PTPRD: variants seen among roughly 807,000 people sequenced by gnomAD.
PTPRD encodes receptor-type tyrosine-protein phosphatase delta.
Under a neutral mutation model 214.5 loss-of-function variants are expected in PTPRD, and 34 were observed. The ratio of observed to expected loss-of-function variants is 0.16; its 90% CI spans 0.12 to 0.21. The LOEUF (loss-of-function observed/expected upper bound fraction) is 0.21. Ranked by LOEUF, PTPRD falls within the 10% of genes least tolerant of loss-of-function variation. The probability of loss-of-function intolerance (pLI) is 1.00; values close to 1 mark genes in which losing one functional copy is unlikely to be tolerated. For missense variants in PTPRD, 2,545 were observed against 2,398.7 expected (o/e 1.06, Z -1.27); for synonymous variants, 1,128 against 845.7 (o/e 1.33, Z -5.79).
At chr9:9,194,152 C>A (rs2099936867) in intron 9 of PTPRD, among the ~76,000 whole-genome samples, 1 of 152,074 alleles carries the variant, frequency 6.6e-6, no homozygotes, top group Non-Finnish European at 1.5e-5. Flanking sequence ...CTGTCTTCCA[C>A]CTCCACATCT....
At position 8,315,702 on chromosome 9, in the gene PTPRD, GT is replaced by G. The variant is rs1361841483; in HGVS notation, c.*2171del. The G allele has an allele frequency of 2.2e-5, 5 of 227,996 alleles. No individual in the cohort carries two copies. Among genetic ancestry groups the G allele is most frequent in the Non-Finnish European group, 4.4e-5 (5 of 114,764 alleles). The allele number at this position is 227,996 out of a possible 1,614,324, so 14.1% of individuals were successfully genotyped here. A position where few individuals can be genotyped will look rare whatever the true frequency, so the allele number is the denominator to read the frequency against. On this transcript the variant is annotated 3_prime_UTR_variant, in exon 46 of 46. Transcript: ENST00000381196. Reference sequence around the variant, plus strand: ...GTGCTCAAATACAATGCTTGCAAATGTTTGGTCTCTTGGATTTCACTCTGCT... The same window carrying G: ...GTGCTCAAATACAATGCTTGCAAATGTTGGTCTCTTGGATTTCACTCTGCT...
intron 10 of PTPRD, among the ~76,000 whole-genome samples, chr9:9,049,879 G>T (rs920981280): frequency 1.3e-5 from 2 of 152,116 alleles, no homozygotes; most frequent in African/African-American, 4.8e-5. Flanking sequence ...AAATGAAAAA[G>T]ACCCCAACTT....
At chr9:9,218,814 G>A (rs570141391) in intron 9 of PTPRD, among the ~76,000 whole-genome samples, 2 of 152,186 alleles carry the variant, frequency 1.3e-5, no homozygotes, top group Middle Eastern at 3.4e-3. Flanking sequence ...CACAGCTGAC[G>A]AGGTAAAAAA....
chr9:9,043,010 C>G (rs753428349), intron 10 of PTPRD, among the ~76,000 whole-genome samples: 1 of 152,148 alleles, frequency 6.6e-6, no homozygotes, highest in Non-Finnish European at 1.5e-5. Flanking sequence ...TTATCTGTTA[C>G]CAAACTTCAT....
intron 2 of PTPRD, among the ~76,000 whole-genome samples, chr9:10,423,881 T>C (rs1036787923): frequency 4.6e-5 from 7 of 152,136 alleles, no homozygotes; most frequent in South Asian, 2.1e-4. Flanking sequence ...TTGGAACCTA[T>C]AGTTTTTTGC....
chr9:8,788,639 G>C (rs1165044727), intron 11 of PTPRD, among the ~76,000 whole-genome samples: 1 of 150,842 alleles, frequency 6.6e-6, no homozygotes, highest in Non-Finnish European at 1.5e-5. Context: ...AAAAGTTATG[G>C]AGGAAAATCA....
chr9:9,407,686 C>T (rs1204766623), intron 8 of PTPRD, among the ~76,000 whole-genome samples: 1 of 151,790 alleles, frequency 6.6e-6, no homozygotes, highest in African/African-American at 2.4e-5. Flanking sequence ...GACTCAGTTT[C>T]TTTACTTGTT....
intron 11 of PTPRD, among the ~76,000 whole-genome samples, chr9:8,795,011 C>T (rs1022001576): frequency 6.6e-6 from 1 of 152,082 alleles, no homozygotes; most frequent in South Asian, 2.1e-4. Flanking sequence ...TTGGCATGCA[C>T]TTACATTTCT....
At chr9:9,873,074 G>T (rs996558783) in intron 5 of PTPRD, among the ~76,000 whole-genome samples, 2 of 152,126 alleles carry the variant, frequency 1.3e-5, no homozygotes, top group African/African-American at 2.4e-5. Flanking sequence ...GATATGAAAT[G>T]TGGAGTGTTT....
chr9:9,973,236 G>A (rs940266134), intron 4 of PTPRD, among the ~76,000 whole-genome samples: 1 of 150,902 alleles, frequency 6.6e-6, no homozygotes, highest in Non-Finnish European at 1.5e-5. Context: ...GCCAAAGCGG[G>A]AGGATTGCTT....
rs374725639 is a variant in PTPRD at position 10,316,353 on chromosome 9, C to T, written c.-545+24610G>A. Among the ~76,000 whole-genome samples, 152 of 151,698 alleles carry T rather than the reference C, an allele frequency of 1.0e-3. 3 individuals carry two copies. The South Asian group carries it at 0.031, about 31-fold the overall frequency. ...GAAAATGCAACCTTAGTTATAGTAA[C>T]AGAAGACACCGCAATTACTTTCCCA... On this transcript the variant is annotated intron_variant, in intron 3 of 45. Transcript: ENST00000381196.
intron 8 of PTPRD, among the ~76,000 whole-genome samples, chr9:9,477,366 C>A (rs10977811): frequency 6.6e-6 from 1 of 151,932 alleles, no homozygotes; most frequent in Non-Finnish European, 1.5e-5. Flanking sequence ...AGTGGGATTC[C>A]TTTTCTTACA....
chr9:8,891,517 A>G (rs2098540081), intron 11 of PTPRD, among the ~76,000 whole-genome samples: 1 of 152,026 alleles, frequency 6.6e-6, no homozygotes, highest in African/African-American at 2.4e-5. Flanking sequence ...CTAATACATT[A>G]AAGAGCCATT....
At chr9:8,948,804 G>A (rs939514606) in intron 11 of PTPRD, among the ~76,000 whole-genome samples, 2 of 151,030 alleles carry the variant, frequency 1.3e-5, no homozygotes. Context: ...GATGGATGAA[G>A]CCATAATTCT....
intron 5 of PTPRD, among the ~76,000 whole-genome samples, chr9:9,849,128 G>A (rs560837276): frequency 6.6e-6 from 1 of 151,884 alleles, no homozygotes; most frequent in East Asian, 1.9e-4. Flanking sequence ...AAATAAAGTT[G>A]TTGATTTACT....
At chr9:9,104,866 G>C (rs934896706) in intron 10 of PTPRD, among the ~76,000 whole-genome samples, 1 of 152,174 alleles carries the variant, frequency 6.6e-6, no homozygotes. Context: ...ATTGATAATA[G>C]CCACGAGTGA....
chr9:9,670,205 G>C (rs1036514884), intron 7 of PTPRD, among the ~76,000 whole-genome samples: 9 of 152,058 alleles, frequency 5.9e-5, no homozygotes, highest in Non-Finnish European at 1.3e-4. Context: ...ACAAGACCAG[G>C]GAAGCTGAGG....
chr9:8,345,331 T>G (rs530099011), intron 39 of PTPRD, among the ~76,000 whole-genome samples: 5 of 152,186 alleles, frequency 3.3e-5, no homozygotes, highest in African/African-American at 7.2e-5. Context: ...AAGACTCAAA[T>G]GCAGGTTCTG....
chr9:9,489,536 G>C (rs1371470379), intron 8 of PTPRD, among the ~76,000 whole-genome samples: 1 of 152,070 alleles, frequency 6.6e-6, no homozygotes, highest in East Asian at 1.9e-4. Context: ...CAATATAGGA[G>C]CAAAGTGGTG....
Sources: allele counts gnomAD v4.1 joint callset (sites outside exome capture counted in the v4.1 genomes callset), GRCh38; gene constraint gnomAD v4.1.1; transcripts MANE v1.5; gene names NCBI Gene and HGNC (gene_info 2026-07-23, HGNC 2026-07-21).